Variants in PRKAR2A observed in about 807,000 individuals in gnomAD.
PRKAR2A encodes cAMP-dependent protein kinase type II-alpha regulatory subunit.
A neutral mutation model predicts 51.9 loss-of-function variants in PRKAR2A; 29 were observed. That is an observed-to-expected ratio of 0.56 (90% CI 0.42 to 0.76). The LOEUF is 0.76. Among genes scored for constraint, PRKAR2A ranks in the 30% least tolerant of loss-of-function variants. The pLI, the probability that PRKAR2A is intolerant of heterozygous loss-of-function variation, is 0.00. For synonymous variants in PRKAR2A, 178 were observed against 186.2 expected, an observed-to-expected ratio of 0.96 and a Z score of 0.36; for missense variants, 445 against 512.1, an observed-to-expected ratio of 0.87 and a Z score of 1.26.
At position 48,790,174 on chromosome 3, in the gene PRKAR2A, C is replaced by T. The variant is rs182965882; in HGVS notation, c.435+370G>A. On this transcript the variant is annotated intron_variant, in intron 4 of 10. Transcript: ENST00000265563. ...TACACGGGGACAAAGTGATGATTTG[C>T]GTTCTGGGTGGCAGTAGAGCAGGAC... Among the ~76,000 whole-genome samples, 9 of 152,162 alleles carry T rather than the reference C, an allele frequency of 5.9e-5. No individual in the cohort carries two copies. The East Asian group carries it at 1.2e-3, about 20-fold the overall frequency.
rs2081580717 is a variant in PRKAR2A, at chr3:48,747,647, C to G, written c.*3938G>C. ...GACTAACAGGACAATAGCACATGAACCTTTCCTTCAGAGAATTCAACCAAG... is the reference window on the plus strand; with the variant it reads ...GACTAACAGGACAATAGCACATGAAGCTTTCCTTCAGAGAATTCAACCAAG... On this transcript the variant is annotated 3_prime_UTR_variant, in exon 11 of 11. Coordinates refer to ENST00000265563, the MANE Select transcript of PRKAR2A (RefSeq NM_004157.4). 1 of 152,160 alleles carries G rather than the reference C, an allele frequency of 6.6e-6. No individual in the cohort carries two copies. The highest frequency in any genetic ancestry group is 1.5e-5 in the Non-Finnish European group (1 of 68,042). The allele number at this position is 152,160 out of a possible 1,614,324, so 9.4% of individuals were successfully genotyped here.
chr3:48,805,591 A>T (rs2082666595), intron 2 of PRKAR2A, among the ~76,000 whole-genome samples: 1 of 152,174 alleles, frequency 6.6e-6, no homozygotes, highest in Admixed American at 6.5e-5. Flanking sequence ...CCTTGTCTGT[A>T]AATTGGGGAT....
chr3:48,796,378 T>C (rs1306754904), intron 2 of PRKAR2A, among the ~76,000 whole-genome samples: 2 of 152,358 alleles, frequency 1.3e-5, no homozygotes, highest in South Asian at 4.1e-4. Context: ...AGAAGAATTA[T>C]TGTTATGTTG....
At chr3:48,794,419 TAA>T (rs747751000) in intron 2 of PRKAR2A, among the ~76,000 whole-genome samples, 252 of 152,096 alleles carry the variant, frequency 1.7e-3, no homozygotes, top group Non-Finnish European at 2.4e-3. Context: ...ACCTGATGTA[TAA>T]TATAAATGCT....
intron 1 of PRKAR2A, among the ~76,000 whole-genome samples, chr3:48,815,889 C>T (rs760904305): frequency 1.6e-4 from 24 of 147,758 alleles, no homozygotes; most frequent in Admixed American, 6.1e-4. Flanking sequence ...CGTGGTGGCA[C>T]GCGCCTGTAA....
At chr3:48,745,174 CT>C (rs111854982), downstream of PRKAR2A, among the ~76,000 whole-genome samples, 1,276 of 128,040 alleles carry the variant, frequency 1.0e-2, 17 homozygotes, top group Admixed American at 0.039. Flanking sequence ...CGCACCCAGC[CT>C]TTTTTTTTTT....
chr3:48,836,344 A>C (rs2083282438), intron 1 of PRKAR2A, among the ~76,000 whole-genome samples: 1 of 148,560 alleles, frequency 6.7e-6, no homozygotes, highest in Non-Finnish European at 1.5e-5. Flanking sequence ...GCCTGAACCC[A>C]GGAGGCGGAG....
At chr3:48,789,907 C>G (rs1019664766) in intron 4 of PRKAR2A, among the ~76,000 whole-genome samples, 8 of 150,978 alleles carry the variant, frequency 5.3e-5, no homozygotes, top group African/African-American at 2.0e-4. Context: ...TTCTTTTTCT[C>G]TCCCTCTCTC....
At chr3:48,841,186 G>C (rs902335012) in intron 1 of PRKAR2A, among the ~76,000 whole-genome samples, 3 of 151,382 alleles carry the variant, frequency 2.0e-5, no homozygotes, top group African/African-American at 7.3e-5. Flanking sequence ...TTCACCTTTT[G>C]ACTACTGTAA....
rs1289904035 is a variant in PRKAR2A at position 48,847,318 on chromosome 3, C to T, written c.262+17G>A. ...AGACCTCCTGCACCACTCCCCAGGG[C>T]CCCGCCCACAGCCTACCTTCCAAGT... On this transcript the variant is annotated intron_variant, in intron 1 of 10. Coordinates refer to ENST00000265563, the MANE Select transcript of PRKAR2A (RefSeq NM_004157.4). This position sits in a 1 kb window ranked among gnomAD's most constrained non-coding sequence, Gnocchi z 4.4. 1.9e-6 allele frequency: 3 copies of T among 1,612,574 alleles called. No homozygotes were observed. The highest frequency in any genetic ancestry group is 1.7e-5 in the Admixed American group (1 of 59,882).
intron 1 of PRKAR2A, among the ~76,000 whole-genome samples, chr3:48,846,287 C>T (rs950931611): frequency 2.7e-5 from 4 of 150,354 alleles, no homozygotes; most frequent in African/African-American, 9.8e-5. Context: ...ATGATCTTGG[C>T]TCACTGCAAC....
At chr3:48,773,709 C>A (rs2107260513) in intron 5 of PRKAR2A, among the ~76,000 whole-genome samples, 1 of 151,582 alleles carries the variant, frequency 6.6e-6, no homozygotes, top group South Asian at 2.1e-4. Flanking sequence ...CTATATGCCC[C>A]TTCCTTTTTT....
intron 1 of PRKAR2A, among the ~76,000 whole-genome samples, chr3:48,827,222 T>C (rs1372960945): frequency 6.6e-6 from 1 of 151,356 alleles, no homozygotes; most frequent in African/African-American, 2.4e-5. Context: ...GGTCTAGAAA[T>C]GCCAAGACAA....
rs1302540315 is a variant in PRKAR2A, at chr3:48,847,621, C to G, written c.-25G>C. The G allele has an allele frequency of 1.4e-6, 2 of 1,420,966 alleles. No homozygotes were observed. The highest frequency in any genetic ancestry group is 1.5e-5 in the South Asian group (1 of 65,516). The allele number at this position is 1,420,966 out of a possible 1,614,324, so 88.0% of individuals were successfully genotyped here. On this transcript the variant is annotated 5_prime_UTR_variant, in exon 1 of 11. Coordinates refer to ENST00000265563, the MANE Select transcript of PRKAR2A (RefSeq NM_004157.4). The surrounding 1 kb of genome is among the most constrained non-coding windows in gnomAD (Gnocchi z 4.4). The stretch of plus-strand genomic sequence containing the variant: ...TGCCGGCGGCGGCCGAAGGGATAGA[C>G]GGGTTGGGCCGCCGGCGGCCACTGT...
At chr3:48,805,287 G>A (rs374305275) in intron 2 of PRKAR2A, among the ~76,000 whole-genome samples, 1 of 152,164 alleles carries the variant, frequency 6.6e-6, no homozygotes, top group African/African-American at 2.4e-5. Flanking sequence ...AGAATCAATA[G>A]AGACATTCAC....
intron 1 of PRKAR2A, among the ~76,000 whole-genome samples, chr3:48,840,567 C>CTTTTTTTT (rs760883553): frequency 1.4e-5 from 1 of 69,468 alleles, no homozygotes; most frequent in Non-Finnish European, 2.7e-5. Context: ...TTGTTTTCAC[C>CTTTTTTTT]TTTTTTTTTT....
intron 8 of PRKAR2A, among the ~76,000 whole-genome samples, chr3:48,760,113 G>T (rs1480280698): frequency 6.6e-6 from 1 of 152,188 alleles, no homozygotes; most frequent in Non-Finnish European, 1.5e-5. Context: ...CAGTACTTTG[G>T]AAGGCCAAGG....
intron 1 of PRKAR2A, among the ~76,000 whole-genome samples, chr3:48,825,056 C>G (rs1202878486): frequency 1.1e-5 from 1 of 90,096 alleles, no homozygotes; most frequent in Non-Finnish European, 2.0e-5. Context: ...TTTTTGGAGA[C>G]AGAGTTTCAC....
At position 48,751,446 on chromosome 3, in the gene PRKAR2A, TA is replaced by T; in HGVS notation, c.*138del. ...CTTTAGTGCTGACTTTCAAGTTTTCTAAATGCCCATAACCACAGCAATGGCA... is the reference window on the plus strand; with the variant it reads ...CTTTAGTGCTGACTTTCAAGTTTTCTAATGCCCATAACCACAGCAATGGCA... On this transcript the variant is annotated 3_prime_UTR_variant, in exon 11 of 11. Transcript: ENST00000265563. 7.7e-7 allele frequency: 1 copy of T among 1,294,198 alleles called. No homozygotes were observed. The highest frequency in any genetic ancestry group is 1.1e-6 in the Non-Finnish European group (1 of 912,614). The allele number at this position is 1,294,198 out of a possible 1,614,324, so 80.2% of individuals were successfully genotyped here.
Sources: gnomAD v4.1 joint callset for allele counts (sites outside exome capture counted in the v4.1 genomes callset) on GRCh38, gnomAD v4.1.1 for gene constraint, Gnocchi (gnomAD v3.1) non-coding constraint, MANE v1.5 for transcripts, NCBI Gene and HGNC (gene_info 2026-07-23, HGNC 2026-07-21) for gene names.